PLSCR2: variants seen among roughly 807,000 people sequenced by gnomAD.
The protein encoded by PLSCR2 is phospholipid scramblase 2.
Under a neutral mutation model 25.3 loss-of-function variants are expected in PLSCR2, and 18 were observed. That is an observed-to-expected ratio of 0.71 (90% CI 0.49 to 1.06). The LOEUF is 1.06. Ranked by LOEUF, PLSCR2 falls within the 50% of genes least tolerant of loss-of-function variation. The pLI, the probability that PLSCR2 is intolerant of heterozygous loss-of-function variation, is 0.00. For missense variants in PLSCR2, 243 were observed against 269.5 expected, an observed-to-expected ratio of 0.90 and a Z score of 0.69; for synonymous variants, 88 against 87.3, an observed-to-expected ratio of 1.01 and a Z score of -0.04.
chr3:146,406,845 T>A (rs143397654), intron 2 of PLSCR2, among the ~76,000 whole-genome samples: 87 of 152,296 alleles, frequency 5.7e-4, no homozygotes, highest in Admixed American at 1.6e-3. Context: ...TTGGCTGGAA[T>A]GAATGGCAGG....
chr3:146,410,156 A>G (rs185469589), intron 2 of PLSCR2, among the ~76,000 whole-genome samples: 17 of 152,002 alleles, frequency 1.1e-4, no homozygotes, highest in African/African-American at 3.6e-4. Context: ...ACTTGCTGTC[A>G]CACCAGAAAA....
chr3:146,397,327 T>A (rs11927821), intron 2 of PLSCR2, among the ~76,000 whole-genome samples: 6,205 of 152,176 alleles, frequency 0.041, 173 homozygotes, highest in Admixed American at 0.086. Flanking sequence ...TTAATTTTTT[T>A]AAAAAACAAT....
At chr3:146,486,609 G>A (rs188736001) in intron 1 of PLSCR2, among the ~76,000 whole-genome samples, 1 of 151,848 alleles carries the variant, frequency 6.6e-6, no homozygotes, top group East Asian at 1.9e-4. Flanking sequence ...ACCATCCCAA[G>A]ACTAAACCAG....
chr3:146,429,468 T>C (rs1344702476), downstream of PLSCR2, among the ~76,000 whole-genome samples: 4 of 152,164 alleles, frequency 2.6e-5, no homozygotes, highest in African/African-American at 9.7e-5. Flanking sequence ...ATTGTGTCCA[T>C]GACCCTGGAC....
chr3:146,463,354 T>C (rs2041711973), upstream of PLSCR2, among the ~76,000 whole-genome samples: 1 of 151,994 alleles, frequency 6.6e-6, no homozygotes, highest in African/African-American at 2.4e-5. Context: ...ATTTTTTTTG[T>C]CCATGTTAGC....
chr3:146,416,624 T>C (rs1418074948), intron 2 of PLSCR2: 1 of 152,192 alleles, frequency 6.6e-6, no homozygotes, highest in African/African-American at 2.4e-5. Context: ...GTATGACAAA[T>C]TGAAAATATT....
intron 6 of PLSCR2, among the ~76,000 whole-genome samples, chr3:146,446,453 A>G (rs1305421595): frequency 6.6e-6 from 1 of 152,140 alleles, no homozygotes; most frequent in Non-Finnish European, 1.5e-5. Flanking sequence ...TAAAATCCAG[A>G]AGCATTCCCT....
At chr3:146,444,163 CT>C (rs1413024888) in intron 6 of PLSCR2, among the ~76,000 whole-genome samples, 4 of 151,724 alleles carry the variant, frequency 2.6e-5, no homozygotes, top group African/African-American at 4.8e-5. Context: ...ATCTTTAAGG[CT>C]TTTTTTGTGG....
intron 2 of PLSCR2, among the ~76,000 whole-genome samples, chr3:146,406,570 A>G (rs2038666034): frequency 6.6e-6 from 1 of 151,546 alleles, no homozygotes; most frequent in African/African-American, 2.5e-5. Flanking sequence ...CATAACAGGC[A>G]AAAACAAACA....
At chr3:146,449,593 A>T (rs959452416) in intron 5 of PLSCR2, among the ~76,000 whole-genome samples, 17 of 152,080 alleles carry the variant, frequency 1.1e-4, no homozygotes, top group African/African-American at 2.9e-4. Context: ...GTTTTACGAA[A>T]TTTTTAACAT....
At chr3:146,484,727 G>A (rs28761177) in intron 1 of PLSCR2, among the ~76,000 whole-genome samples, 2 of 152,204 alleles carry the variant, frequency 1.3e-5, no homozygotes, top group Admixed American at 6.5e-5. Flanking sequence ...ATTCCTTTCA[G>A]AGAAGCAAAT....
intron 1 of PLSCR2, among the ~76,000 whole-genome samples, chr3:146,476,707 T>G (rs1009308605): frequency 1.3e-5 from 2 of 152,178 alleles, no homozygotes; most frequent in African/African-American, 4.8e-5. Context: ...CAAAAGGCAC[T>G]CCCCATAGTA....
At chr3:146,398,801 T>A (rs12054453) in intron 2 of PLSCR2, 87,744 of 152,030 alleles carry the variant, frequency 0.58, 25,735 homozygotes, top group South Asian at 0.76. Flanking sequence ...TTGTTTCACC[T>A]GGTGGAGCTT....
chr3:146,483,431 A>ACCAGTAGTAACAT (rs2043203753), intron 1 of PLSCR2, among the ~76,000 whole-genome samples: 5 of 95,538 alleles, frequency 5.2e-5, no homozygotes, highest in African/African-American at 2.5e-4. Context: ...TAAACTTAAT[A>ACCAGTAGTAACAT]TATATATATA....
chr3:146,448,394 A>G (rs760978707), intron 6 of PLSCR2, among the ~76,000 whole-genome samples: 1 of 152,152 alleles, frequency 6.6e-6, no homozygotes, highest in Non-Finnish European at 1.5e-5. Context: ...AATGTTTAAG[A>G]TCTCTATCTG....
intron 8 of PLSCR2, among the ~76,000 whole-genome samples, chr3:146,433,984 T>C (rs913052009): frequency 1.3e-5 from 2 of 152,146 alleles, no homozygotes; most frequent in African/African-American, 2.4e-5. Flanking sequence ...ATGAAGTAAA[T>C]TGTGGGTTGG....
chr3:146,492,927 A>G (rs2043603475), intron 1 of PLSCR2, among the ~76,000 whole-genome samples: 1 of 152,030 alleles, frequency 6.6e-6, no homozygotes, highest in Non-Finnish European at 1.5e-5. Flanking sequence ...ATAAAGAAAA[A>G]AAGAGAAAAT....
intron 2 of PLSCR2, among the ~76,000 whole-genome samples, chr3:146,427,748 T>C (rs910982060): frequency 2.0e-5 from 3 of 152,202 alleles, no homozygotes; most frequent in African/African-American, 7.2e-5. Context: ...ACTTAGTTTC[T>C]ATATACCTTG....
At chr3:146,452,842 T>A (rs1240109723) in intron 5 of PLSCR2, among the ~76,000 whole-genome samples, 1 of 151,974 alleles carries the variant, frequency 6.6e-6, no homozygotes, top group Non-Finnish European at 1.5e-5. Flanking sequence ...ATTATACATA[T>A]CCCTACATAA....
Sources: gnomAD v4.1 joint callset for allele counts (sites outside exome capture counted in the v4.1 genomes callset) on GRCh38, gnomAD v4.1.1 for gene constraint, MANE v1.5 for transcripts, NCBI Gene and HGNC (gene_info 2026-07-23, HGNC 2026-07-21) for gene names.